SPACA9: variants seen among roughly 807,000 people sequenced by gnomAD.
SPACA9 encodes sperm acrosome-associated protein 9.
Under a neutral mutation model 12.5 loss-of-function variants are expected in SPACA9, and 14 were observed. The ratio of observed to expected loss-of-function variants is 1.12; its 90% confidence interval spans 0.74 to 1.75. The LOEUF (loss-of-function observed/expected upper bound fraction) is 1.75. SPACA9 is among the 40% of genes most tolerant of loss of function. SPACA9 has a pLI of 0.00. For missense variants in SPACA9, 292 were observed against 291.9 expected (o/e 1.00, Z 0.00); for synonymous variants, 111 against 114.1 (o/e 0.97, Z 0.17).
chr9:132,889,847 G>A lies in SPACA9; in HGVS notation c.*1236G>A. ...CTGATTTTGTGGCTCCTGAGCAAGG[G>A]CGATGACCTGGTTTTCACAGCGTAG... is the stretch of plus-strand genomic sequence containing the variant. On this transcript the variant is annotated 3_prime_UTR_variant, in exon 4 of 4. Coordinates refer to ENST00000356311, the MANE Select transcript of SPACA9 (RefSeq NM_001316897.2). 1 of 1,366,044 alleles carries A rather than the reference G, an allele frequency of 7.3e-7. No individual in the cohort carries two copies. Among genetic ancestry groups the A allele is most frequent in the Non-Finnish European group, 9.6e-7 (1 of 1,046,908 alleles). 84.6% of individuals were successfully genotyped at this position (1,366,044 alleles called of 1,614,324 possible).
rs772054797 is a variant in SPACA9 at position 132,887,347 on chromosome 9, C to T, written c.145-22C>T. 1.9e-6 allele frequency: 3 copies of T among 1,605,526 alleles called. No homozygotes were observed. The highest frequency in any genetic ancestry group is 4.5e-5 in the East Asian group (2 of 44,864). On this transcript the variant is annotated intron_variant, in intron 2 of 3. Coordinates refer to ENST00000356311, the MANE Select transcript of SPACA9 (RefSeq NM_001316897.2). This position sits in a 1 kb window ranked among gnomAD's most constrained non-coding sequence, Gnocchi z 5.4. ...GACCCGGGTTGGCATGTCCCCAGCT[C>T]ATGTGGCGGCGGCCCTTGCAGGTGC... is the stretch of plus-strand genomic sequence containing the variant.
Position 132,888,769 on chromosome 9 carries a change from T to C in SPACA9, c.*158T>C. 1 of 1,404,078 alleles carries C rather than the reference T, an allele frequency of 7.1e-7. No individual in the cohort carries two copies. The highest frequency in any genetic ancestry group is 9.2e-7 in the Non-Finnish European group (1 of 1,083,610). The allele number at this position is 1,404,078 out of a possible 1,614,324, so 87.0% of individuals were successfully genotyped here. ...AGACTTCCTCTCTCTCTTCTTGCTT[T>C]AACTTCTTTTTTTTTTGAGACGGAG... On this transcript the variant is annotated 3_prime_UTR_variant, in exon 4 of 4. Transcript: ENST00000356311. The surrounding 1 kb of genome is among the most constrained non-coding windows in gnomAD (Gnocchi z 5.0).
Position 132,883,347 on chromosome 9 carries a change from G to A in SPACA9, c.-37-564G>A, listed in dbSNP as rs572705749. On this transcript the variant is annotated intron_variant, in intron 1 of 3. Coordinates refer to ENST00000356311, the MANE Select transcript of SPACA9 (RefSeq NM_001316897.2). ...CAGTCTAGTATTGATTCTTCTCCCC[G>A]CTTAATCCATGGGAAGGAATTCCCA... Among the ~76,000 whole-genome samples, 8 of 152,294 alleles carry A rather than the reference G, an allele frequency of 5.3e-5. No individual in the cohort carries two copies. The East Asian group carries it at 7.7e-4, about 15-fold the overall frequency.
chr9:132,883,583 C>T (rs1013868511), intron 1 of SPACA9, among the ~76,000 whole-genome samples: 8 of 151,842 alleles, frequency 5.3e-5, no homozygotes, highest in Admixed American at 1.3e-4. Context: ...TGTGTGTGTG[C>T]GCGCGTGTGT....
chr9:132,889,069 C>T lies in SPACA9; in HGVS notation c.*458C>T, dbSNP rs1234991599. ...ACAGGCGTGAGCCACAGCGCCCGGC[C>T]CTCTTGCTTTAACTTCTAACATTTC... On this transcript the variant is annotated 3_prime_UTR_variant, in exon 4 of 4. Transcript: ENST00000356311. 4 of 996,220 alleles carry T rather than the reference C, an allele frequency of 4.0e-6. No homozygotes were observed. In the Admixed American group the frequency reaches 1.6e-4, roughly 40 times the overall value. The allele number at this position is 996,220 out of a possible 1,614,324, so 61.7% of individuals were successfully genotyped here.
At chr9:132,878,565 C>T, upstream of SPACA9, 2 of 1,142,096 alleles carry the variant, frequency 1.8e-6, no homozygotes, top group Non-Finnish European at 1.1e-6. The surrounding 1 kb of genome is among the most constrained non-coding windows in gnomAD (Gnocchi z 4.7). Flanking sequence ...AGGGGCAAGT[C>T]GGCCCTCCGA....
rs34208349 is a variant in SPACA9, at chr9:132,883,972, C to T, written c.25C>T (p.Arg9Cys). 3.0e-5 allele frequency: 48 copies of T among 1,614,082 alleles called. No individual in the cohort carries two copies. The highest frequency in any genetic ancestry group is 4.5e-5 in the East Asian group (2 of 44,896). The change falls in exon 2 of 4, where the codon CGC (arginine) becomes TGC (cysteine). Residue 9 changes from arginine (R) to cysteine (C), a missense_variant. Physicochemically the swap from Arg to Cys is radical, Grantham distance 180. Coordinates refer to ENST00000356311, the MANE Select transcript of SPACA9 (RefSeq NM_001316897.2). MNEVKESL[R>C]SIEQKYKLFQ... Reference sequence around the variant, plus strand: ...AATGAATGAGGTGAAAGAATCCCTTCGCAGCATCGAGCAGAAGTACAAGCT... The same window carrying T: ...AATGAATGAGGTGAAAGAATCCCTTTGCAGCATCGAGCAGAAGTACAAGCT...
Position 132,884,824 on chromosome 9 carries a change from A to AT in SPACA9, c.144+740dup, listed in dbSNP as rs1263425146. ...CTTGCTGGCAGCATCCTTTAAAAACATTTTTTTCTGGCCAGGCGTGGTGGC... is the reference window on the plus strand; with the variant it reads ...CTTGCTGGCAGCATCCTTTAAAAACATTTTTTTTCTGGCCAGGCGTGGTGGC... On this transcript the variant is annotated intron_variant, in intron 2 of 3. Transcript: ENST00000356311. Among the ~76,000 whole-genome samples, 3 of 152,258 alleles carry AT rather than the reference A, an allele frequency of 2.0e-5. No individual in the cohort carries two copies. In the East Asian group the frequency reaches 5.8e-4, roughly 29 times the overall value.
In SPACA9 at chr9:132,883,914, C is replaced by T. The variant is rs1400174356; in HGVS notation, c.-34C>T. The T allele has an allele frequency of 1.2e-6, 2 of 1,611,450 alleles. No homozygotes were observed. The highest frequency in any genetic ancestry group is 2.7e-5 in the African/African-American group (2 of 75,008). Reference sequence around the variant, plus strand: ...ACTATCCTCTGTCTCCCCATAGATTCCTCTTCTCCTGTAAATGACCACAGA... The same window carrying T: ...ACTATCCTCTGTCTCCCCATAGATTTCTCTTCTCCTGTAAATGACCACAGA... On this transcript the variant is annotated 5_prime_UTR_variant, in exon 2 of 4. Coordinates refer to ENST00000356311, the MANE Select transcript of SPACA9 (RefSeq NM_001316897.2).
In SPACA9 at chr9:132,888,413, G is replaced by T. The variant is rs2131496624; in HGVS notation, c.471G>T (p.Lys157Asn). The T allele has an allele frequency of 6.2e-7, 1 of 1,613,964 alleles. No individual in the cohort carries two copies. The highest frequency in any genetic ancestry group is 8.5e-7 in the Non-Finnish European group (1 of 1,180,012). The change falls in exon 4 of 4, where the codon AAG (lysine) becomes AAT (asparagine). Residue 157 changes from lysine to asparagine, a missense_variant. Physicochemically the swap from Lys to Asn is moderately conservative, Grantham distance 94. Coordinates refer to ENST00000356311, the MANE Select transcript of SPACA9 (RefSeq NM_001316897.2). This position sits in a 1 kb window ranked among gnomAD's most constrained non-coding sequence, Gnocchi z 5.0. ...AAGAATGGATCGCCCACTCCGAGAA[G>T]TTGCCGCGCAAGGTGCTGCAGCACG... is the stretch of plus-strand genomic sequence containing the variant. ...LMKEWIAHSE[K>N]LPRKVLQHVS...
chr9:132,878,778 G>A (rs1387150274), upstream of SPACA9: 4 of 985,496 alleles, frequency 4.1e-6, no homozygotes, highest in Non-Finnish European at 4.8e-6. This position sits in a 1 kb window ranked among gnomAD's most constrained non-coding sequence, Gnocchi z 4.7. Context: ...TCGAGCCCCG[G>A]TAGACCCCTC....
chr9:132,882,287 C>T (rs1844449592), intron 1 of SPACA9, among the ~76,000 whole-genome samples: 1 of 152,160 alleles, frequency 6.6e-6, no homozygotes, highest in Non-Finnish European at 1.5e-5. Context: ...GATAGAGGCT[C>T]CATGGCTGGG....
At chr9:132,890,076 C>A, downstream of SPACA9, 1 of 1,248,510 alleles carries the variant, frequency 8.0e-7, no homozygotes, top group Non-Finnish European at 1.1e-6. Flanking sequence ...GAAAGAAAAC[C>A]TACATCTCCC....
rs1844661020 is a variant in SPACA9, at chr9:132,889,062, G to A, written c.*451G>A. ...TGGGATTACAGGCGTGAGCCACAGC[G>A]CCCGGCCCTCTTGCTTTAACTTCTA... is the stretch of plus-strand genomic sequence containing the variant. On this transcript the variant is annotated 3_prime_UTR_variant, in exon 4 of 4. Transcript: ENST00000356311. 2 of 996,112 alleles carry A rather than the reference G, an allele frequency of 2.0e-6. No individual in the cohort carries two copies. The highest frequency in any genetic ancestry group is 4.4e-5 in the South Asian group (1 of 22,600). 61.7% of individuals were successfully genotyped at this position (996,112 alleles called of 1,614,324 possible).
In SPACA9 at chr9:132,884,049, G is replaced by A; in HGVS notation, c.102G>A (p.Glu34=). ...CCGCCGCTCTGGAGCACTGCAGGGAGAACGCCCACGACAAGATCCGGCCCA... is the reference window on the plus strand; with the variant it reads ...CCGCCGCTCTGGAGCACTGCAGGGAAAACGCCCACGACAAGATCCGGCCCA... ...TFTAALEHCR[E]NAHDKIRPIS... is the part of the protein sequence containing the mutation. The change falls in exon 2 of 4, where the codon GAG becomes GAA. Residue 34 remains glutamate, a synonymous_variant. Transcript: ENST00000356311. The A allele has an allele frequency of 6.2e-7, 1 of 1,614,108 alleles. No individual in the cohort carries two copies. The highest frequency in any genetic ancestry group is 2.2e-5 in the East Asian group (1 of 44,866).
chr9:132,885,628 T>C (rs558678436), intron 2 of SPACA9, among the ~76,000 whole-genome samples: 1 of 151,940 alleles, frequency 6.6e-6, no homozygotes, highest in Non-Finnish European at 1.5e-5. Flanking sequence ...TGCCCACGCA[T>C]GCAGCCCCTG....
In SPACA9 at chr9:132,885,917, C is replaced by A. The variant is rs539619461; in HGVS notation, c.145-1452C>A. Among the ~76,000 whole-genome samples, 12 of 152,302 alleles carry A rather than the reference C, an allele frequency of 7.9e-5. No individual in the cohort carries two copies. In the South Asian group the frequency reaches 1.7e-3, roughly 21 times the overall value. On this transcript the variant is annotated intron_variant, in intron 2 of 3. Transcript: ENST00000356311. ...CAAAGGTTCCCTGCACACCGCCCCC[C>A]ACCCCCGCAATGCTCTGTTGTAGTT...
chr9:132,883,850 C>T, intron 1 of SPACA9, 61 bp from the exon 2 acceptor site: 1 of 1,342,950 alleles, frequency 7.4e-7, no homozygotes, highest in South Asian at 1.3e-5. Context: ...GTCCTTCCCT[C>T]CGGAGCTGGA....
In SPACA9 at chr9:132,887,184, TAG is replaced by T. The variant is rs1045660956; in HGVS notation, c.145-175_145-174del. Among the ~76,000 whole-genome samples the T allele has an allele frequency of 1.3e-5, 2 of 151,804 alleles. No individual in the cohort carries two copies. The highest frequency in any genetic ancestry group is 1.5e-5 in the Non-Finnish European group (1 of 67,986). On this transcript the variant is annotated intron_variant, in intron 2 of 3. Transcript: ENST00000356311. The surrounding 1 kb of genome is among the most constrained non-coding windows in gnomAD (Gnocchi z 5.4). ...ATCCATCCATCCATCCATCCATCTA[TAG>T]AGAGAGAGATACCACTATATAGAGT...
Sources: allele counts gnomAD v4.1 joint callset (sites outside exome capture counted in the v4.1 genomes callset), GRCh38; gene constraint gnomAD v4.1.1; non-coding constraint Gnocchi (gnomAD v3.1); transcripts MANE v1.5; gene names NCBI Gene and HGNC (gene_info 2026-07-23, HGNC 2026-07-21).